ABCA13: variants seen among roughly 807,000 people sequenced by gnomAD.
ABCA13 encodes the protein ATP binding cassette subfamily A member 13.
A neutral mutation model predicts 478.7 loss-of-function variants in ABCA13; 476 were observed. That is an observed-to-expected ratio of 0.99 (90% CI 0.92 to 1.07). The LOEUF is 1.07. ABCA13 is among the 50% of genes least tolerant of loss of function. ABCA13 has a pLI of 0.00. For synonymous variants in ABCA13, 2,252 were observed against 2,158.9 expected (o/e 1.04, Z -1.20); for missense variants, 6,060 against 5,910.6 (o/e 1.03, Z -0.83).
At chr7:48,236,550 G>A (rs1013716600) in intron 8 of ABCA13, among the ~76,000 whole-genome samples, 1 of 152,132 alleles carries the variant, frequency 6.6e-6, no homozygotes, top group Non-Finnish European at 1.5e-5. Context: ...CACATTCCTT[G>A]GGTCTGAGCC....
intron 35 of ABCA13, among the ~76,000 whole-genome samples, chr7:48,386,510 A>T (rs576632935): frequency 1.3e-5 from 2 of 152,344 alleles, no homozygotes; most frequent in African/African-American, 4.8e-5. Flanking sequence ...CAGTAACCAT[A>T]ACAGCATGGT....
At chr7:48,624,129 G>C (rs1052900201) in intron 59 of ABCA13, among the ~76,000 whole-genome samples, 35 of 151,902 alleles carry the variant, frequency 2.3e-4, no homozygotes, top group African/African-American at 8.2e-4. Flanking sequence ...GAGAGCTGGA[G>C]TGGAGTGGCA....
At chr7:48,410,320 C>G (rs1211639810) in intron 39 of ABCA13, among the ~76,000 whole-genome samples, 200 bp from the exon 40 acceptor site, 1 of 152,034 alleles carries the variant, frequency 6.6e-6, no homozygotes, top group Non-Finnish European at 1.5e-5. Flanking sequence ...GATGGGAGAT[C>G]CGTGGAAACT....
At chr7:48,595,880 G>A (rs1255140185) in intron 58 of ABCA13, among the ~76,000 whole-genome samples, 2 of 152,148 alleles carry the variant, frequency 1.3e-5, no homozygotes, top group Non-Finnish European at 2.9e-5. Flanking sequence ...AGACACGTAG[G>A]AACACAAGGG....
At chr7:48,430,500 C>T (rs1563244619) in intron 42 of ABCA13, among the ~76,000 whole-genome samples, 1 of 151,804 alleles carries the variant, frequency 6.6e-6, no homozygotes, top group Non-Finnish European at 1.5e-5. Context: ...ATGGTGAAAC[C>T]CCGTCTCCAC....
At chr7:48,294,830 C>T (rs978087798) in intron 20 of ABCA13, among the ~76,000 whole-genome samples, 2 of 152,214 alleles carry the variant, frequency 1.3e-5, no homozygotes, top group Non-Finnish European at 2.9e-5. Flanking sequence ...GGCTGACTTA[C>T]ATCACTTAGC....
chr7:48,596,753 G>A (rs961071955), intron 58 of ABCA13, among the ~76,000 whole-genome samples: 6 of 151,560 alleles, frequency 4.0e-5, no homozygotes, highest in Non-Finnish European at 8.8e-5. Flanking sequence ...AGCCAAGATC[G>A]GGCCACTGCA....
At chr7:48,173,518 T>G (rs1278338061) in intron 1 of ABCA13, among the ~76,000 whole-genome samples, 1 of 152,220 alleles carries the variant, frequency 6.6e-6, no homozygotes, top group African/African-American at 2.4e-5. Context: ...AGCTATAGTC[T>G]GTTCACAGAA....
intron 58 of ABCA13, among the ~76,000 whole-genome samples, chr7:48,598,696 T>C (rs1468962727): frequency 1.3e-5 from 2 of 152,264 alleles, no homozygotes; most frequent in African/African-American, 4.8e-5. Context: ...TTGATTACAT[T>C]CAGTTTATCA....
Position 48,281,537 on chromosome 7 carries a change from C to T in ABCA13, c.8836+85C>T, listed in dbSNP as rs575788516. On this transcript the variant is annotated intron_variant, in intron 19 of 61. Transcript: ENST00000435803. ...GTGTCAGAGAGATGAGTATATTGCACTTGAGTTTCTTTTAGAACAAAGCAC... is the reference window on the plus strand; with the variant it reads ...GTGTCAGAGAGATGAGTATATTGCATTTGAGTTTCTTTTAGAACAAAGCAC... 30 of 1,189,234 alleles carry T rather than the reference C, an allele frequency of 2.5e-5. No individual in the cohort carries two copies. In the African/African-American group the frequency reaches 4.4e-4, roughly 18 times the overall value. The allele number at this position is 1,189,234 out of a possible 1,614,324, so 73.7% of individuals were successfully genotyped here. A position where few individuals can be genotyped will look rare whatever the true frequency, so the allele number is the denominator to read the frequency against.
intron 32 of ABCA13, among the ~76,000 whole-genome samples, chr7:48,371,918 G>A (rs1326638199): frequency 3.3e-5 from 5 of 152,056 alleles, no homozygotes; most frequent in African/African-American, 7.2e-5. Context: ...TGATATTGGC[G>A]ACGGGTTTGT....
At position 48,225,111 on chromosome 7, in the gene ABCA13, G is replaced by GCCTGCCTGCCTGCCTA. The variant is rs1258677168; in HGVS notation, c.469-2136_469-2135insACCTGCCTGCCTGCCT. ...TAGGCGTTAATCACCATGCGTGCGTGCCTGCCTGCCTGCCTGCCTGCCTGC... is the reference window on the plus strand; with the variant it reads ...TAGGCGTTAATCACCATGCGTGCGTGCCTGCCTGCCTGCCTACCTGCCTGCCTGCCTGCCTGCCTGC... On this transcript the variant is annotated intron_variant, in intron 5 of 61. Transcript: ENST00000435803. Among the ~76,000 whole-genome samples, 238 of 87,796 alleles carry GCCTGCCTGCCTGCCTA rather than the reference G, an allele frequency of 2.7e-3. 2 individuals are homozygous for GCCTGCCTGCCTGCCTA. The highest frequency in any genetic ancestry group is 0.022 in the Middle Eastern group (4 of 182). The allele number at this position is 87,796 out of a possible 152,430, so 57.6% of individuals were successfully genotyped here.
chr7:48,443,315 C>G (rs1563265456), intron 42 of ABCA13, among the ~76,000 whole-genome samples: 1 of 152,202 alleles, frequency 6.6e-6, no homozygotes, highest in Non-Finnish European at 1.5e-5. Flanking sequence ...GAGAGTTCGG[C>G]TGGTTGATTC....
intron 59 of ABCA13, among the ~76,000 whole-genome samples, chr7:48,624,483 A>G (rs186670414): frequency 6.6e-6 from 1 of 151,928 alleles, no homozygotes; most frequent in East Asian, 1.9e-4. Context: ...ACTCCAGGCC[A>G]ATTTATGATT....
intron 3 of ABCA13, among the ~76,000 whole-genome samples, chr7:48,219,011 G>A (rs772196091): frequency 6.6e-5 from 10 of 152,248 alleles, no homozygotes; most frequent in Admixed American, 1.3e-4. Flanking sequence ...TATCATGTCC[G>A]TACTGTTCAC....
chr7:48,308,280 CGT>C (rs1486941315), intron 23 of ABCA13, among the ~76,000 whole-genome samples: 1 of 152,152 alleles, frequency 6.6e-6, no homozygotes, highest in Non-Finnish European at 1.5e-5. Context: ...GTAGAGCTGT[CGT>C]CTCCTGTGAT....
intron 32 of ABCA13, among the ~76,000 whole-genome samples, chr7:48,370,892 C>T (rs1812528379): frequency 6.6e-6 from 1 of 151,948 alleles, no homozygotes; most frequent in Non-Finnish European, 1.5e-5. Flanking sequence ...GAGAGAATAA[C>T]TAAATGAAAT....
Position 48,506,190 on chromosome 7 carries a change from A to T in ABCA13, c.13292-146A>T, listed in dbSNP as rs377013384. ...GCTGAATTTCACAATGGAATTTGCCATTTTTTTCTGCTAATTGACCAGGGC... is the reference window on the plus strand; with the variant it reads ...GCTGAATTTCACAATGGAATTTGCCTTTTTTTTCTGCTAATTGACCAGGGC... On this transcript the variant is annotated intron_variant, in intron 48 of 61. Coordinates refer to ENST00000435803, the MANE Select transcript of ABCA13 (RefSeq NM_152701.5). The T allele has an allele frequency of 3.2e-4, 247 of 773,048 alleles. 2 individuals are homozygous for T. The South Asian group carries it at 4.4e-3, about 14-fold the overall frequency. The allele number at this position is 773,048 out of a possible 1,614,324, so 47.9% of individuals were successfully genotyped here.
chr7:48,416,608 G>A (rs990010313), intron 41 of ABCA13, among the ~76,000 whole-genome samples: 3 of 152,132 alleles, frequency 2.0e-5, no homozygotes, highest in Admixed American at 2.0e-4. Flanking sequence ...CTGCTTGATA[G>A]GGACTTGCAT....
Sources: gnomAD v4.1 joint callset for allele counts (sites outside exome capture counted in the v4.1 genomes callset) on GRCh38, gnomAD v4.1.1 for gene constraint, MANE v1.5 for transcripts, NCBI Gene and HGNC (gene_info 2026-07-23, HGNC 2026-07-21) for gene names.